The following DACH1 variants were observed in gnomAD, a reference collection of about 807,000 sequenced individuals.
The protein encoded by DACH1 is dachshund family transcription factor 1, also known as dachshund homolog 1.
DACH1 carries 12 observed loss-of-function variants against 54.2 expected under a neutral mutation model. The ratio of observed to expected loss-of-function variants is 0.22; its 90% CI spans 0.14 to 0.36. The LOEUF (loss-of-function observed/expected upper bound fraction) is 0.36, where lower values mean the gene tolerates loss of function less well. DACH1 is among the 10% of genes least tolerant of loss of function. The pLI is 1.00. For missense variants in DACH1, 805 were observed against 929.8 expected, an observed-to-expected ratio of 0.87 and a Z score of 1.75; for synonymous variants, 386 against 366.2, an observed-to-expected ratio of 1.05 and a Z score of -0.62.
chr13:71,748,970 CTCTCTT>C (rs1255952604), intron 1 of DACH1, among the ~76,000 whole-genome samples: 3 of 104,384 alleles, frequency 2.9e-5, no homozygotes, highest in South Asian at 2.9e-4. Flanking sequence ...CTTTCTCTCT[CTCTCTT>C]TCTTCTTTCC....
In DACH1 at chr13:71,472,360, G is replaced by C. The variant is rs544251426; in HGVS notation, c.2083+2781C>G. 2.0e-5 allele frequency among the ~76,000 whole-genome samples: 3 copies of C among 152,230 alleles called. No homozygotes were observed. The East Asian group carries it at 5.8e-4, about 29-fold the overall frequency. The stretch of plus-strand genomic sequence containing the variant: ...ACCTCTGTGGTTTTATAGAAATGGT[G>C]ATACAAAATGCCAATGAGGCAATAT... On this transcript the variant is annotated intron_variant, in intron 10 of 10. Coordinates refer to ENST00000613252, the MANE Select transcript of DACH1 (RefSeq NM_080759.6).
chr13:71,783,526 T>C (rs1379532067), intron 1 of DACH1, among the ~76,000 whole-genome samples: 1 of 152,096 alleles, frequency 6.6e-6, no homozygotes, highest in East Asian at 1.9e-4. Flanking sequence ...ATTTAAGAAA[T>C]ATCTCCTGTA....
rs1434141321 is a variant in DACH1 at position 71,515,612 on chromosome 13, G to T, written c.1571-26464C>A. Reference sequence around the variant, plus strand: ...CCAACAATATCTCTGAGTCTTCAGGGACAAAATCCCATTATGTGGAGTTCA... The same window carrying T: ...CCAACAATATCTCTGAGTCTTCAGGTACAAAATCCCATTATGTGGAGTTCA... On this transcript the variant is annotated intron_variant, in intron 6 of 10. Transcript: ENST00000613252. Among the ~76,000 whole-genome samples, 3 of 151,938 alleles carry T rather than the reference G, an allele frequency of 2.0e-5. No individual in the cohort carries two copies. The East Asian group carries it at 5.8e-4, about 30-fold the overall frequency.
intron 1 of DACH1, among the ~76,000 whole-genome samples, chr13:71,813,395 A>T (rs932895680): frequency 2.0e-5 from 3 of 152,162 alleles, no homozygotes; most frequent in Non-Finnish European, 4.4e-5. Context: ...GCTAGTGATC[A>T]ATGCAGGTGA....
intron 1 of DACH1, among the ~76,000 whole-genome samples, chr13:71,775,889 T>C (rs1886041959): frequency 6.6e-6 from 1 of 152,030 alleles, no homozygotes; most frequent in Admixed American, 6.6e-5. Context: ...ATGGAGAAAA[T>C]GGAATTGCTT....
intron 6 of DACH1, among the ~76,000 whole-genome samples, chr13:71,522,396 C>T (rs1386436891): frequency 2.0e-5 from 3 of 151,962 alleles, no homozygotes; most frequent in African/African-American, 4.8e-5. Flanking sequence ...TACCACCACG[C>T]CGCACCTCCC....
chr13:71,581,283 T>C (rs1593930796), intron 3 of DACH1, among the ~76,000 whole-genome samples: 1 of 152,270 alleles, frequency 6.6e-6, no homozygotes, highest in East Asian at 1.9e-4. Context: ...ATTATTATTT[T>C]TTATACAGAA....
rs374489687 is a variant in DACH1, at chr13:71,717,463, G to A, written c.849-35553C>T. Among the ~76,000 whole-genome samples, 150 of 150,606 alleles carry A rather than the reference G, an allele frequency of 1.0e-3. No individual in the cohort carries two copies. The South Asian group carries it at 0.015, about 15-fold the overall frequency. ...CCTCATTGATTAGTTTGCTAAGGTG[G>A]TGACCAGAAATGAAAACACTGCAAG... On this transcript the variant is annotated intron_variant, in intron 1 of 10. Coordinates refer to ENST00000613252, the MANE Select transcript of DACH1 (RefSeq NM_080759.6).
intron 6 of DACH1, among the ~76,000 whole-genome samples, chr13:71,510,545 G>A (rs536889145): frequency 8.5e-5 from 13 of 152,114 alleles, no homozygotes; most frequent in Middle Eastern, 3.4e-3. Flanking sequence ...AGTTCATAGA[G>A]TTACAAAGAC....
intron 9 of DACH1, 63 bp downstream of exon 9, chr13:71,475,643 C>G (rs1300593342): frequency 3.3e-6 from 5 of 1,534,286 alleles, no homozygotes; most frequent in Middle Eastern, 1.7e-4. Flanking sequence ...CAAACACATG[C>G]CTAAACTGTC....
chr13:71,534,287 C>T (rs932173149), intron 6 of DACH1, among the ~76,000 whole-genome samples: 1 of 151,174 alleles, frequency 6.6e-6, no homozygotes, highest in African/African-American at 2.4e-5. Flanking sequence ...ATACATAAAT[C>T]GAAGGAAAAA....
intron 3 of DACH1, among the ~76,000 whole-genome samples, chr13:71,626,295 A>G (rs1268568561): frequency 6.6e-6 from 1 of 152,032 alleles, no homozygotes; most frequent in African/African-American, 2.4e-5. Context: ...AACTAGAAGT[A>G]AAATTAAGTT....
chr13:71,663,786 A>G (rs1175101138), intron 2 of DACH1, among the ~76,000 whole-genome samples: 1 of 151,978 alleles, frequency 6.6e-6, no homozygotes, highest in Admixed American at 6.6e-5. Flanking sequence ...TTGTTTTAAA[A>G]AACCAATTCA....
chr13:71,713,358 T>G (rs1882819250), intron 1 of DACH1, among the ~76,000 whole-genome samples: 1 of 152,112 alleles, frequency 6.6e-6, no homozygotes, highest in Admixed American at 6.6e-5. Context: ...AATTCAATGG[T>G]CTAAACGTGC....
At chr13:71,781,072 C>T (rs1886348374) in intron 1 of DACH1, among the ~76,000 whole-genome samples, 1 of 152,030 alleles carries the variant, frequency 6.6e-6, no homozygotes, top group African/African-American at 2.4e-5. Flanking sequence ...GAGGTTGAGG[C>T]TGCAGTGAGC....
At chr13:71,601,463 T>C (rs1256866707) in intron 3 of DACH1, among the ~76,000 whole-genome samples, 1 of 152,098 alleles carries the variant, frequency 6.6e-6, no homozygotes, top group Non-Finnish European at 1.5e-5. Context: ...TCTTGCTTTC[T>C]GTTCTTTTAT....
At chr13:71,844,677 C>T (rs1873105313) in intron 1 of DACH1, among the ~76,000 whole-genome samples, 1 of 151,954 alleles carries the variant, frequency 6.6e-6, no homozygotes, top group Non-Finnish European at 1.5e-5. Flanking sequence ...AACTCCTTAC[C>T]TTAATAAGAC....
intron 1 of DACH1, among the ~76,000 whole-genome samples, chr13:71,689,255 T>C (rs778016378): frequency 3.3e-5 from 5 of 152,138 alleles, no homozygotes; most frequent in Non-Finnish European, 5.9e-5. Flanking sequence ...GATGCCAGAA[T>C]GGGGGGCTTT....
chr13:71,838,610 G>A (rs1354106512), intron 1 of DACH1, among the ~76,000 whole-genome samples: 1 of 152,196 alleles, frequency 6.6e-6, no homozygotes, highest in Non-Finnish European at 1.5e-5. Flanking sequence ...AAGCCATCTG[G>A]TGTGAGAGAG....
Sources: gnomAD v4.1 joint callset for allele counts (sites outside exome capture counted in the v4.1 genomes callset) on GRCh38, gnomAD v4.1.1 for gene constraint, MANE v1.5 for transcripts, NCBI Gene and HGNC (gene_info 2026-07-23, HGNC 2026-07-21) for gene names.